Variants in CA10 observed in about 807,000 individuals in gnomAD.
CA10 encodes the protein carbonic anhydrase 10 (inactive), also known as carbonic anhydrase-related protein 10.
Under a neutral mutation model 44.2 loss-of-function variants are expected in CA10, and 14 were observed. The observed-to-expected ratio is 0.32, with a 90% confidence interval of 0.21 to 0.50. The LOEUF is 0.50. Among genes scored for constraint, CA10 ranks in the 20% least tolerant of loss-of-function variants. CA10 has a pLI of 0.99. For synonymous variants in CA10, 159 were observed against 141.6 expected (o/e 1.12, Z -0.87); for missense variants, 350 against 409.7 (o/e 0.85, Z 1.26).
At chr17:51,757,699 A>G (rs542183578) in intron 3 of CA10, among the ~76,000 whole-genome samples, 1 of 152,310 alleles carries the variant, frequency 6.6e-6, no homozygotes, top group African/African-American at 2.4e-5. Flanking sequence ...TGACATCTGG[A>G]CCTGCCATTT....
intron 3 of CA10, among the ~76,000 whole-genome samples, chr17:51,861,285 A>G (rs1979292182): frequency 6.6e-6 from 1 of 152,152 alleles, no homozygotes; most frequent in Non-Finnish European, 1.5e-5. Context: ...CCTCTAACAG[A>G]AATCTAATTC....
At chr17:52,154,873 A>G (rs1292180299) in intron 1 of CA10, among the ~76,000 whole-genome samples, 1 of 152,236 alleles carries the variant, frequency 6.6e-6, no homozygotes, top group Non-Finnish European at 1.5e-5. Flanking sequence ...TTATTAGTGC[A>G]GAACCACCAA....
intron 3 of CA10, among the ~76,000 whole-genome samples, chr17:51,923,853 A>T (rs144935666): frequency 1.1e-3 from 164 of 152,268 alleles, no homozygotes; most frequent in Non-Finnish European, 1.6e-3. Context: ...ACTTTTGGTG[A>T]ATTCCACCTA....
At chr17:51,744,533 C>G (rs1370485517) in intron 4 of CA10, among the ~76,000 whole-genome samples, 1 of 151,736 alleles carries the variant, frequency 6.6e-6, no homozygotes, top group African/African-American at 2.4e-5. Context: ...TTGATTGAGC[C>G]CAGGAGTTAG....
At chr17:52,149,582 A>G (rs1989660661) in intron 1 of CA10, among the ~76,000 whole-genome samples, 1 of 152,244 alleles carries the variant, frequency 6.6e-6, no homozygotes, top group Non-Finnish European at 1.5e-5. Flanking sequence ...GTTTAAGGTT[A>G]CATGAAATAA....
At chr17:51,725,549 G>A (rs908340142) in intron 4 of CA10, among the ~76,000 whole-genome samples, 27 of 152,324 alleles carry the variant, frequency 1.8e-4, no homozygotes, top group African/African-American at 6.3e-4. Flanking sequence ...CACATCCCTA[G>A]GATGTGGGAG....
At chr17:51,750,793 T>C (rs907785735) in intron 3 of CA10, among the ~76,000 whole-genome samples, 3 of 152,262 alleles carry the variant, frequency 2.0e-5, no homozygotes, top group African/African-American at 7.2e-5. Context: ...TCCTATGACA[T>C]GCATGCTTTG....
chr17:52,088,563 C>A (rs564853557), intron 1 of CA10, among the ~76,000 whole-genome samples: 2 of 152,280 alleles, frequency 1.3e-5, no homozygotes, highest in African/African-American at 4.8e-5. Context: ...GATCTACTCA[C>A]TTTGTACATC....
At chr17:52,083,375 A>G (rs1014075222) in intron 1 of CA10, among the ~76,000 whole-genome samples, 29 of 152,286 alleles carry the variant, frequency 1.9e-4, no homozygotes, top group African/African-American at 6.5e-4. Context: ...TTTGCTACTA[A>G]TTGTGTCACT....
At chr17:51,635,740 G>A in intron 7 of CA10, 115 bp downstream of exon 7, 1 of 746,178 alleles carries the variant, frequency 1.3e-6, no homozygotes, top group Non-Finnish European at 2.1e-6. Flanking sequence ...TACCCAGTTT[G>A]TGGGACTTTG....
intron 1 of CA10, among the ~76,000 whole-genome samples, chr17:52,096,188 G>A (rs1266389561): frequency 1.3e-5 from 2 of 152,168 alleles, no homozygotes; most frequent in Admixed American, 1.3e-4. Context: ...AAAGAAAGCA[G>A]CAGGCCTGAG....
intron 2 of CA10, among the ~76,000 whole-genome samples, chr17:52,041,924 CT>C (rs1304941480): frequency 6.6e-6 from 1 of 152,066 alleles, no homozygotes; most frequent in Non-Finnish European, 1.5e-5. Flanking sequence ...GGATTTTCTT[CT>C]TTTTTACAAC....
At chr17:51,979,519 T>C (rs1316258343) in intron 2 of CA10, among the ~76,000 whole-genome samples, 1 of 152,144 alleles carries the variant, frequency 6.6e-6, no homozygotes, top group Non-Finnish European at 1.5e-5. Flanking sequence ...CCTGTTGTTT[T>C]CTTCTTTGTG....
At chr17:51,665,094 CACATA>C (rs1378529416) in intron 4 of CA10, among the ~76,000 whole-genome samples, 3 of 152,152 alleles carry the variant, frequency 2.0e-5, no homozygotes, top group African/African-American at 2.4e-5. Flanking sequence ...GAAAATTAGA[CACATA>C]ACATCTATTA....
intron 1 of CA10, among the ~76,000 whole-genome samples, chr17:52,085,723 C>G (rs1385520028): frequency 6.6e-6 from 1 of 152,154 alleles, no homozygotes; most frequent in Non-Finnish European, 1.5e-5. Flanking sequence ...GTCCTCCTGT[C>G]AGAATAGGTG....
intron 2 of CA10, among the ~76,000 whole-genome samples, chr17:51,980,403 CTT>C (rs1984614463): frequency 6.6e-6 from 1 of 151,870 alleles, no homozygotes; most frequent in Non-Finnish European, 1.5e-5. Flanking sequence ...ATTTAAGTTC[CTT>C]ATATATATTG....
At chr17:52,074,454 TCA>T (rs1307207354) in intron 1 of CA10, among the ~76,000 whole-genome samples, 14 of 152,292 alleles carry the variant, frequency 9.2e-5, no homozygotes, top group African/African-American at 3.4e-4. Flanking sequence ...TTATAAAAAC[TCA>T]CACCAAGTTT....
At chr17:51,689,089 TATC>T (rs1915102561) in intron 4 of CA10, among the ~76,000 whole-genome samples, 1 of 152,178 alleles carries the variant, frequency 6.6e-6, no homozygotes. Flanking sequence ...CTCTCAACCA[TATC>T]ATCCCTCAGA....
At chr17:51,914,397 G>A (rs1981910350) in intron 3 of CA10, among the ~76,000 whole-genome samples, 2 of 152,158 alleles carry the variant, frequency 1.3e-5, no homozygotes, top group South Asian at 4.1e-4. Flanking sequence ...GGCATTTTAT[G>A]TGCCATTTTT....
Sources: allele counts gnomAD v4.1 joint callset (sites outside exome capture counted in the v4.1 genomes callset), GRCh38; gene constraint gnomAD v4.1.1; transcripts MANE v1.5; gene names NCBI Gene and HGNC (gene_info 2026-07-23, HGNC 2026-07-21).